The following TENM3 variants were observed in gnomAD, a reference collection of about 807,000 sequenced individuals.
The protein encoded by TENM3 is teneurin transmembrane protein 3.
Under a neutral mutation model 255.1 loss-of-function variants are expected in TENM3, and 63 were observed. The observed-to-expected ratio is 0.25, with a 90% CI of 0.20 to 0.30. The LOEUF (loss-of-function observed/expected upper bound fraction) is 0.30, where lower values mean the gene tolerates loss of function less well. TENM3 is among the 10% of genes least tolerant of loss of function. The pLI, the probability that TENM3 is intolerant of heterozygous loss-of-function variation, is 1.00. For missense variants in TENM3, 2,929 were observed against 3,461.1 expected (o/e 0.85, Z 3.86); for synonymous variants, 1,306 against 1,322.3 (o/e 0.99, Z 0.27).
chr4:182,091,475 C>T, the TENM3 span, among the ~76,000 whole-genome samples: 5 of 152,186 alleles, frequency 3.3e-5, no homozygotes, highest in Non-Finnish European at 5.9e-5. Flanking sequence ...TGAGGCCAGG[C>T]GAACTAAAGG....
chr4:182,213,843 C>G (rs1755220993), intron 1 of TENM3, among the ~76,000 whole-genome samples: 1 of 152,042 alleles, frequency 6.6e-6, no homozygotes, highest in Non-Finnish European at 1.5e-5. Flanking sequence ...CCTCTGTCGC[C>G]CAGGCTGGAG....
the TENM3 span, among the ~76,000 whole-genome samples, chr4:181,879,433 T>G: frequency 6.6e-6 from 1 of 152,140 alleles, no homozygotes; most frequent in Non-Finnish European, 1.5e-5. Flanking sequence ...TGGAAATTTC[T>G]CATTTCTCCC....
intron 1 of TENM3, among the ~76,000 whole-genome samples, chr4:182,149,280 C>G (rs537377230): frequency 2.6e-4 from 39 of 152,060 alleles, no homozygotes; most frequent in Middle Eastern, 3.4e-3. Context: ...AGAGTATAAA[C>G]TATCAAAATG....
At chr4:182,647,983 T>C (rs2152504415) in intron 5 of TENM3, among the ~76,000 whole-genome samples, 1 of 152,342 alleles carries the variant, frequency 6.6e-6, no homozygotes, top group South Asian at 2.1e-4. Flanking sequence ...CGTATTGCTT[T>C]CCTCCTTAAA....
chr4:181,912,246 T>C, the TENM3 span, among the ~76,000 whole-genome samples: 1 of 152,344 alleles, frequency 6.6e-6, no homozygotes, highest in African/African-American at 2.4e-5. Context: ...GACAGGATTC[T>C]GATAGGATGG....
At chr4:182,615,044 T>TACATAC in intron 4 of TENM3, among the ~76,000 whole-genome samples, 2 of 33,798 alleles carry the variant, frequency 5.9e-5, no homozygotes, top group African/African-American at 1.1e-4. Flanking sequence ...AAAAAAAAAA[T>TACATAC]ACATATATAT....
chr4:181,871,807 A>T, the TENM3 span, among the ~76,000 whole-genome samples: 1 of 152,100 alleles, frequency 6.6e-6, no homozygotes, highest in Non-Finnish European at 1.5e-5. Flanking sequence ...TCCTTCCTTC[A>T]TACATTGAAA....
chr4:181,544,408 T>TAAAAAGAAAAAAAAAAAAAAAA, the TENM3 span, among the ~76,000 whole-genome samples: 1 of 68,674 alleles, frequency 1.5e-5, no homozygotes, highest in Non-Finnish European at 2.7e-5. Flanking sequence ...CCTTCAGGAT[T>TAAAAAGAAAAAAAAAAAAAAAA]AAAAAAAAAA....
chr4:181,502,906 G>GT, the TENM3 span, among the ~76,000 whole-genome samples: 5 of 152,270 alleles, frequency 3.3e-5, no homozygotes, highest in African/African-American at 1.2e-4. Context: ...TCAAGAGGGA[G>GT]TTTTTTGGCA....
chr4:182,722,036 A>C (rs1317586798), intron 13 of TENM3, among the ~76,000 whole-genome samples: 2 of 152,124 alleles, frequency 1.3e-5, no homozygotes, highest in Non-Finnish European at 2.9e-5. Context: ...GTGCATGCAG[A>C]AGCTTTCAGT....
chr4:181,978,114 G>A, the TENM3 span, among the ~76,000 whole-genome samples: 1 of 152,152 alleles, frequency 6.6e-6, no homozygotes, highest in Non-Finnish European at 1.5e-5. Flanking sequence ...AGTGGAAGTG[G>A]CCAGAATGAA....
chr4:182,564,844 T>A (rs889159820), intron 3 of TENM3, among the ~76,000 whole-genome samples: 5 of 152,354 alleles, frequency 3.3e-5, no homozygotes, highest in African/African-American at 1.2e-4. Flanking sequence ...CAAATATTTC[T>A]ATGGCAGTGT....
Position 182,772,665 on chromosome 4 carries a change from A to G in TENM3, c.4893-807A>G, listed in dbSNP as rs1426866988. On this transcript the variant is annotated intron_variant, in intron 22 of 27. Coordinates refer to ENST00000511685, the MANE Select transcript of TENM3 (RefSeq NM_001080477.4). The stretch of plus-strand genomic sequence containing the variant: ...TCTTCAGTCAAATGTTGTATCTATG[A>G]TGCATATTTATGAGCACAGAACAGC... 3 of 152,082 alleles carry G rather than the reference A, an allele frequency of 2.0e-5. No individual in the cohort carries two copies. The East Asian group carries it at 5.8e-4, about 29-fold the overall frequency. The allele number at this position is 152,082 out of a possible 1,614,324, so 9.4% of individuals were successfully genotyped here. A position where few individuals can be genotyped will look rare whatever the true frequency, so the allele number is the denominator to read the frequency against.
chr4:182,382,236 A>G (rs995391800), intron 3 of TENM3, among the ~76,000 whole-genome samples: 1 of 152,150 alleles, frequency 6.6e-6, no homozygotes, highest in Non-Finnish European at 1.5e-5. Context: ...TTCATTATTT[A>G]TAAGAAGAAA....
chr4:182,769,565 C>T lies in TENM3; in HGVS notation c.4893-3907C>T, dbSNP rs143612077. 6.2e-4 allele frequency among the ~76,000 whole-genome samples: 93 copies of T among 149,238 alleles called. No individual in the cohort carries two copies. In the East Asian group the frequency reaches 0.017, roughly 27 times the overall value. On this transcript the variant is annotated intron_variant, in intron 22 of 27. Transcript: ENST00000511685. ...TTGGGAGGCCGAGGCGGGAGGATCA[C>T]GAGGTCAGGAGTTTGAGACCAGTCT...
At chr4:182,350,891 G>T (rs1414229782) in intron 3 of TENM3, among the ~76,000 whole-genome samples, 1 of 151,952 alleles carries the variant, frequency 6.6e-6, no homozygotes, top group Non-Finnish European at 1.5e-5. Flanking sequence ...CACCATGTTG[G>T]CCAGGATGGT....
the TENM3 span, among the ~76,000 whole-genome samples, chr4:181,915,695 G>A: frequency 6.7e-6 from 1 of 148,336 alleles, no homozygotes; most frequent in African/African-American, 2.5e-5. Context: ...GAAGGGGGGA[G>A]GGGAGGAGAG....
chr4:181,465,934 C>A, the TENM3 span, among the ~76,000 whole-genome samples: 1 of 152,030 alleles, frequency 6.6e-6, no homozygotes, highest in Admixed American at 6.6e-5. Context: ...ATAACCTTTT[C>A]CCTTCTAAAA....
chr4:181,806,817 A>T, the TENM3 span, among the ~76,000 whole-genome samples: 1 of 152,218 alleles, frequency 6.6e-6, no homozygotes, highest in Non-Finnish European at 1.5e-5. Flanking sequence ...GAATCCTTCA[A>T]CTAGGGCCTT....
Sources: allele counts gnomAD v4.1 joint callset (sites outside exome capture counted in the v4.1 genomes callset), GRCh38; gene constraint gnomAD v4.1.1; transcripts MANE v1.5; gene names NCBI Gene and HGNC (gene_info 2026-07-23, HGNC 2026-07-21).